DIS3L2: variants seen among roughly 807,000 people sequenced by gnomAD.
DIS3L2 encodes DIS3 like 3'-5' exoribonuclease 2, also known as DIS3-like exonuclease 2.
Under a neutral mutation model 97.5 loss-of-function variants are expected in DIS3L2, and 34 were observed. That is an observed-to-expected ratio of 0.35 (90% CI 0.27 to 0.46). The LOEUF (loss-of-function observed/expected upper bound fraction) is 0.46. DIS3L2 is among the 20% of genes least tolerant of loss of function. The pLI is 1.00. For synonymous variants in DIS3L2, 435 were observed against 445.2 expected (o/e 0.98, Z 0.29); for missense variants, 1,038 against 1,146.0 (o/e 0.91, Z 1.36).
chr2:232,333,909 C>A lies in DIS3L2; in HGVS notation c.2080C>A (p.Pro694Thr). 6.2e-7 allele frequency: 1 copy of A among 1,612,932 alleles called. No homozygotes were observed. Among genetic ancestry groups the A allele is most frequent in the Non-Finnish European group, 8.5e-7 (1 of 1,179,928 alleles). ...GTTCCGGCACTACGCGCTCAATGTGCCCCTGTACACACACTTCACCTCGCC... is the reference window on the plus strand; with the variant it reads ...GTTCCGGCACTACGCGCTCAATGTGACCCTGTACACACACTTCACCTCGCC... The part of the protein sequence containing the change: ...AQFRHYALNV[P>T]LYTHFTSPIR... Residue 694 changes from proline (P) to threonine (T), a missense_variant, in exon 17 of 21, where the codon CCC (proline) becomes ACC (threonine). By Grantham distance (38) the Pro-to-Thr change is conservative. Around this residue, in one of 3 missense-constraint regions of DIS3L2, gnomAD observed 813 missense variants for 880.1 expected, o/e 0.92. Coordinates refer to ENST00000325385, the MANE Select transcript of DIS3L2 (RefSeq NM_152383.5).
At chr2:232,313,130 G>A (rs1695179780) in intron 14 of DIS3L2, among the ~76,000 whole-genome samples, 1 of 151,784 alleles carries the variant, frequency 6.6e-6, no homozygotes, top group Admixed American at 6.6e-5. Flanking sequence ...CAGTATTTCT[G>A]GACATAATAA....
chr2:232,054,112 C>G (rs753935247), intron 5 of DIS3L2, among the ~76,000 whole-genome samples: 2 of 152,136 alleles, frequency 1.3e-5, no homozygotes, highest in Non-Finnish European at 2.9e-5. Flanking sequence ...TTTAGGAGCT[C>G]TGTATTAGGA....
intron 6 of DIS3L2, among the ~76,000 whole-genome samples, chr2:232,097,050 T>C (rs1178665967): frequency 1.3e-5 from 2 of 152,192 alleles, no homozygotes; most frequent in Non-Finnish European, 2.9e-5. Context: ...GCCTATTGCA[T>C]CTGTCCTTCT....
intron 4 of DIS3L2, among the ~76,000 whole-genome samples, chr2:232,026,104 T>C (rs761601804): frequency 6.6e-5 from 10 of 152,168 alleles, no homozygotes; most frequent in Non-Finnish European, 1.2e-4. Context: ...GATAACACAG[T>C]ATAGAATTTC....
intron 8 of DIS3L2, among the ~76,000 whole-genome samples, chr2:232,162,147 C>T (rs1178146289): frequency 1.3e-5 from 2 of 152,112 alleles, no homozygotes; most frequent in African/African-American, 2.4e-5. Context: ...TGGGGATTTT[C>T]CAGATTGCTT....
intron 9 of DIS3L2, among the ~76,000 whole-genome samples, chr2:232,169,209 G>C (rs1690910780): frequency 6.6e-6 from 1 of 151,980 alleles, no homozygotes; most frequent in South Asian, 2.1e-4. Context: ...TTGAGTCCCA[G>C]CACATGCTGA....
intron 10 of DIS3L2, among the ~76,000 whole-genome samples, chr2:232,232,032 G>A (rs1692805937): frequency 6.6e-6 from 1 of 152,200 alleles, no homozygotes; most frequent in African/African-American, 2.4e-5. Context: ...ACCGCGGGGA[G>A]ACCCCTGGGT....
At chr2:232,165,085 A>G (rs553990680) in intron 9 of DIS3L2, among the ~76,000 whole-genome samples, 5 of 152,368 alleles carry the variant, frequency 3.3e-5, no homozygotes, top group South Asian at 2.1e-4. Flanking sequence ...GTACAAAAAT[A>G]TATGTACAAG....
intron 8 of DIS3L2, among the ~76,000 whole-genome samples, chr2:232,161,235 C>T (rs188547633): frequency 3.9e-5 from 6 of 151,936 alleles, no homozygotes; most frequent in African/African-American, 1.4e-4. Flanking sequence ...ATTTTCTATT[C>T]ATTGATTCTT....
At chr2:232,289,653 G>C (rs975108915) in intron 13 of DIS3L2, among the ~76,000 whole-genome samples, 4 of 152,040 alleles carry the variant, frequency 2.6e-5, no homozygotes, top group Admixed American at 2.0e-4. Flanking sequence ...CCTTGAGGAA[G>C]GCAGGTGCTA....
intron 16 of DIS3L2, 84 bp from the exon 17 acceptor site, chr2:232,333,756 G>GACAACCTGC: frequency 1.2e-5 from 18 of 1,487,168 alleles, no homozygotes; most frequent in Admixed American, 9.1e-5. Flanking sequence ...CGCTGCCGAC[G>GACAACCTGC]GTGAGGCTGT....
At chr2:232,173,022 A>G (rs772268477) in intron 9 of DIS3L2, among the ~76,000 whole-genome samples, 1 of 152,208 alleles carries the variant, frequency 6.6e-6, no homozygotes, top group Non-Finnish European at 1.5e-5. Flanking sequence ...TCTGTATTCC[A>G]AACACTGGTC....
intron 10 of DIS3L2, among the ~76,000 whole-genome samples, chr2:232,236,789 T>C (rs1872921): frequency 0.22 from 33,764 of 152,192 alleles, 4,535 homozygotes; most frequent in South Asian, 0.47. Context: ...CCTTGCTCTG[T>C]TGCCCAGGCT....
intron 10 of DIS3L2, among the ~76,000 whole-genome samples, chr2:232,219,547 C>T (rs1223828734): frequency 6.6e-6 from 1 of 152,090 alleles, no homozygotes; most frequent in Non-Finnish European, 1.5e-5. Context: ...ATTGGGCATA[C>T]CTTTCCCTTA....
At chr2:232,141,244 C>T (rs1391154071) in intron 8 of DIS3L2, among the ~76,000 whole-genome samples, 2 of 151,976 alleles carry the variant, frequency 1.3e-5, no homozygotes, top group African/African-American at 4.8e-5. Context: ...ATGTCTTGAG[C>T]GTAGAGATAG....
intron 13 of DIS3L2, among the ~76,000 whole-genome samples, chr2:232,277,643 G>A (rs973007112): frequency 1.1e-4 from 16 of 152,104 alleles, no homozygotes; most frequent in African/African-American, 3.1e-4. Flanking sequence ...ATCCTAAGGC[G>A]TGTACGTGTA....
chr2:232,233,076 C>T (rs2087229), intron 10 of DIS3L2, among the ~76,000 whole-genome samples: 23,274 of 152,146 alleles, frequency 0.15, 2,306 homozygotes, highest in East Asian at 0.37. Flanking sequence ...GGTTTGGATT[C>T]AGTGCACAGA....
chr2:232,012,313 G>A (rs1216609348), intron 1 of DIS3L2, among the ~76,000 whole-genome samples: 1 of 152,198 alleles, frequency 6.6e-6, no homozygotes, highest in East Asian at 1.9e-4. Context: ...AAAGAGACAA[G>A]TTAGGTGTTA....
intron 3 of DIS3L2, among the ~76,000 whole-genome samples, chr2:232,020,146 C>A (rs1694472317): frequency 6.6e-6 from 1 of 152,100 alleles, no homozygotes; most frequent in Non-Finnish European, 1.5e-5. Flanking sequence ...GAGAGTTAGG[C>A]AGCAGCCAAG....
Sources: allele counts gnomAD v4.1 joint callset (sites outside exome capture counted in the v4.1 genomes callset), GRCh38; gene constraint gnomAD v4.1.1; regional missense constraint gnomAD v4.1.1; transcripts MANE v1.5; gene names NCBI Gene and HGNC (gene_info 2026-07-23, HGNC 2026-07-21).